Variants in OR3A2 observed in about 807,000 individuals in gnomAD.
OR3A2 encodes the protein olfactory receptor 3A2.
For missense variants in OR3A2, 318 were observed against 392.8 expected, an observed-to-expected ratio of 0.81 and a Z score of 1.61; for synonymous variants, 126 against 159.3, an observed-to-expected ratio of 0.79 and a Z score of 1.57.
rs778072206 is a variant in OR3A2, at chr17:3,311,333, AC to A, written c.-85+24699del. 1.9e-6 allele frequency: 1 copy of A among 533,952 alleles called. No homozygotes were observed. Among genetic ancestry groups the A allele is most frequent in the South Asian group, 1.4e-5 (1 of 71,606 alleles). The allele number at this position is 533,952 out of a possible 1,614,324, so 33.1% of individuals were successfully genotyped here. ...CACCTCCTGGCTGGGGTGGACTGTCACCTCTTAATAGCCATGGCCTATGACC... is the reference window on the plus strand; with the variant it reads ...CACCTCCTGGCTGGGGTGGACTGTCACTCTTAATAGCCATGGCCTATGACC... On this transcript the variant is annotated intron_variant, in intron 3 of 4. Transcript: ENST00000573491. The surrounding 1 kb of genome is among the most constrained non-coding windows in gnomAD (Gnocchi z 4.6).
chr17:3,385,262 T>C (rs923358107), intron 1 of OR3A2, among the ~76,000 whole-genome samples: 1 of 152,172 alleles, frequency 6.6e-6, no homozygotes, highest in African/African-American at 2.4e-5. Flanking sequence ...GGTCAACAAA[T>C]GAATGGTAAA....
chr17:3,318,278 G>A (rs1246950137), intron 3 of OR3A2, among the ~76,000 whole-genome samples: 1 of 152,178 alleles, frequency 6.6e-6, no homozygotes, highest in African/African-American at 2.4e-5. Context: ...CAGAGGGAAG[G>A]GATGCACAGA....
chr17:3,383,003 A>C (rs1306836716), intron 2 of OR3A2, among the ~76,000 whole-genome samples: 1 of 152,220 alleles, frequency 6.6e-6, no homozygotes, highest in Non-Finnish European at 1.5e-5. Context: ...ATACGGCTAG[A>C]GCATTGTGTC....
At chr17:3,332,489 T>C (rs1401849875) in intron 3 of OR3A2, among the ~76,000 whole-genome samples, 1 of 152,214 alleles carries the variant, frequency 6.6e-6, no homozygotes, top group Non-Finnish European at 1.5e-5. Context: ...ACCCCTTTCT[T>C]TGACTCAGAA....
At chr17:3,343,040 C>A (rs988993653) in intron 2 of OR3A2, among the ~76,000 whole-genome samples, 2 of 152,188 alleles carry the variant, frequency 1.3e-5, no homozygotes, top group Admixed American at 1.3e-4. Context: ...AGCAAGGCTC[C>A]GTGGGCATGG....
intron 2 of OR3A2, among the ~76,000 whole-genome samples, chr17:3,344,345 T>G (rs1323833008): frequency 6.6e-6 from 1 of 152,128 alleles, no homozygotes; most frequent in East Asian, 1.9e-4. Flanking sequence ...CTGCTTTGCG[T>G]GTCCTGTAAA....
intron 2 of OR3A2, among the ~76,000 whole-genome samples, chr17:3,360,056 A>G (rs183399793): frequency 6.6e-6 from 1 of 151,658 alleles, no homozygotes; most frequent in African/African-American, 2.4e-5. Flanking sequence ...AAGTGTTCCT[A>G]TTTCTCCACA....
intron 2 of OR3A2, among the ~76,000 whole-genome samples, chr17:3,350,594 T>C (rs1312032291): frequency 6.6e-5 from 10 of 150,568 alleles, no homozygotes; most frequent in East Asian, 2.0e-4. Flanking sequence ...AGCCGAATTC[T>C]ACCAGAGGTA....
At chr17:3,292,660 G>A in intron 3 of OR3A2, 1 of 1,310,336 alleles carries the variant, frequency 7.6e-7, no homozygotes, top group Non-Finnish European at 1.0e-6. Flanking sequence ...AAAAGAAACA[G>A]ACCCCCTTCT....
intron 3 of OR3A2, among the ~76,000 whole-genome samples, chr17:3,306,632 A>G (rs28404222): frequency 0.18 from 26,659 of 147,114 alleles, 3,865 homozygotes; most frequent in African/African-American, 0.4. Flanking sequence ...GCCCCTCTCC[A>G]TGTGGAATAG....
At chr17:3,340,086 G>T (rs2049304701) in intron 2 of OR3A2, among the ~76,000 whole-genome samples, 1 of 152,050 alleles carries the variant, frequency 6.6e-6, no homozygotes, top group South Asian at 2.1e-4. Flanking sequence ...TTCTCTGATG[G>T]TGGTTTGTAT....
chr17:3,368,507 T>A (rs1311126962), intron 2 of OR3A2, among the ~76,000 whole-genome samples: 1 of 152,192 alleles, frequency 6.6e-6, no homozygotes, highest in African/African-American at 2.4e-5. Context: ...TTCCCCACTT[T>A]TAGCTTTTCG....
Position 3,360,904 on chromosome 17 carries a change from C to T in OR3A2, c.-179+22900G>A, listed in dbSNP as rs532551681. Reference sequence around the variant, plus strand: ...TAGGATTAACTTGGCGATCTGGGCTCCTTTTTGGCTCCATATGAACTTTAA... The same window carrying T: ...TAGGATTAACTTGGCGATCTGGGCTTCTTTTTGGCTCCATATGAACTTTAA... On this transcript the variant is annotated intron_variant, in intron 2 of 4. Coordinates refer to the OR3A2 transcript ENST00000573491. Among the ~76,000 whole-genome samples, 23 of 151,734 alleles carry T rather than the reference C, an allele frequency of 1.5e-4. 1 individual carries two copies. The highest frequency in any genetic ancestry group is 5.4e-4 in the African/African-American group (22 of 41,044).
chr17:3,337,957 G>A (rs992517534), intron 2 of OR3A2, among the ~76,000 whole-genome samples: 33 of 152,160 alleles, frequency 2.2e-4, no homozygotes, highest in African/African-American at 7.7e-4. Context: ...ACTTTTTAAT[G>A]ATCGCCATTC....
At chr17:3,349,040 A>G (rs981022559) in intron 2 of OR3A2, among the ~76,000 whole-genome samples, 1 of 152,178 alleles carries the variant, frequency 6.6e-6, no homozygotes, top group Admixed American at 6.6e-5. Context: ...AGTGCTAAAC[A>G]TGGAAAGGAA....
intron 2 of OR3A2, among the ~76,000 whole-genome samples, chr17:3,347,772 G>A (rs230447): frequency 0.4 from 61,475 of 152,014 alleles, 12,777 homozygotes; most frequent in Admixed American, 0.52. Context: ...TAATGGGATG[G>A]CTGGGTCAAA....
chr17:3,318,527 A>T (rs953238738), intron 3 of OR3A2, among the ~76,000 whole-genome samples: 1 of 152,194 alleles, frequency 6.6e-6, no homozygotes, highest in Non-Finnish European at 1.5e-5. Context: ...GCATTCCTCC[A>T]GCCTCCTTCA....
chr17:3,292,583 G>GAGTT (rs1230883554), intron 3 of OR3A2: 1 of 1,596,336 alleles, frequency 6.3e-7, no homozygotes, highest in African/African-American at 1.3e-5. Flanking sequence ...CTGGCTGCAT[G>GAGTT]AGTTCCTGCA....
At chr17:3,347,772 G>C (rs230447) in intron 2 of OR3A2, among the ~76,000 whole-genome samples, 1 of 151,972 alleles carries the variant, frequency 6.6e-6, no homozygotes, top group African/African-American at 2.4e-5. Flanking sequence ...TAATGGGATG[G>C]CTGGGTCAAA....
Sources: gnomAD v4.1 joint callset for allele counts (sites outside exome capture counted in the v4.1 genomes callset) on GRCh38, gnomAD v4.1.1 for gene constraint, Gnocchi (gnomAD v3.1) non-coding constraint, MANE v1.5 for transcripts, NCBI Gene and HGNC (gene_info 2026-07-23, HGNC 2026-07-21) for gene names.